The following NOTCH1 variants were observed in gnomAD, a reference collection of about 807,000 sequenced individuals.
NOTCH1 encodes neurogenic locus notch homolog protein 1.
Under a neutral mutation model 254.8 loss-of-function variants are expected in NOTCH1, and 37 were observed. The ratio of observed to expected loss-of-function variants is 0.15; its 90% CI spans 0.11 to 0.19. The LOEUF (loss-of-function observed/expected upper bound fraction) is 0.19, where lower values mean the gene tolerates loss of function less well. Among genes scored for constraint, NOTCH1 ranks in the 10% least tolerant of loss-of-function variants. The probability of loss-of-function intolerance (pLI) is 1.00; values close to 1 mark genes in which losing one functional copy is unlikely to be tolerated. For synonymous variants in NOTCH1, 1,731 were observed against 1,618.1 expected (o/e 1.07, Z -1.68); for missense variants, 2,972 against 3,708.6 (o/e 0.80, Z 5.16).
chr9:136,512,908 C>CCCCCACCCCTGG (rs1226512650), intron 15 of NOTCH1, 113 bp downstream of exon 15: 1 of 417,126 alleles, frequency 2.4e-6, no homozygotes, highest in East Asian at 6.5e-5. Flanking sequence ...TCCCAGGCCG[C>CCCCCACCCCTGG]CCCCACCCCT....
intron 2 of NOTCH1, chr9:136,543,376 T>C: frequency 4.9e-6 from 1 of 202,934 alleles, no homozygotes; most frequent in Non-Finnish European, 9.7e-6. Context: ...ACCCAGGAGG[T>C]GGCATCACCC....
intron 2 of NOTCH1, among the ~76,000 whole-genome samples, chr9:136,535,364 G>A (rs558814548): frequency 3.9e-5 from 6 of 152,096 alleles, no homozygotes; most frequent in African/African-American, 1.4e-4. Context: ...GTAGACGGCA[G>A]GACGCCCCCA....
chr9:136,519,298 T>C, intron 5 of NOTCH1, 145 bp downstream of exon 5: 1 of 1,193,510 alleles, frequency 8.4e-7, no homozygotes, highest in Non-Finnish European at 1.2e-6. Flanking sequence ...GGGGCCCCCA[T>C]CATGTTGTCC....
rs1217360911 is a variant in NOTCH1, at chr9:136,504,719, C to T, written c.4972G>A (p.Glu1658Lys). 1.3e-6 allele frequency: 2 copies of T among 1,540,880 alleles called. No homozygotes were observed. The highest frequency in any genetic ancestry group is 2.0e-4 in the Middle Eastern group (1 of 5,028). The change falls in exon 26 of 34, where the codon GAG becomes AAG. Residue 1658 changes from glutamate (E) to lysine (K), a missense_variant. Around this residue, in one of 8 missense-constraint regions of NOTCH1, gnomAD observed 1,343 missense variants for 1,557.0 expected, o/e 0.86. Coordinates refer to ENST00000651671, the MANE Select transcript of NOTCH1 (RefSeq NM_017617.5). ...VKASLLPGGS[E>K]GGRRRRELDP... Reference sequence around the variant, plus strand: ...AGCTCCCTCCGCCGCCGCCCACCCTCGCTGCCACCAGGGAGCAGCGAGGCC... The same window carrying T: ...AGCTCCCTCCGCCGCCGCCCACCCTTGCTGCCACCAGGGAGCAGCGAGGCC...
rs2133329906 is a variant in NOTCH1 at position 136,502,038 on chromosome 9, T to C, written c.5435A>G (p.Glu1812Gly). Residue 1812 changes from glutamate to glycine, a missense_variant, in exon 29 of 34, where the codon GAG (glutamate) becomes GGG (glycine). Glu to Gly is a moderately conservative substitution (Grantham distance 98, BLOSUM62 -2). This residue lies in a region of NOTCH1 where 421 missense variants were observed against 604.4 expected (regional missense o/e 0.70). Transcript: ENST00000651671. ...DGALMDDNQN[E>G]WGDEDLETKK... ...GGTCTCCAGGTCCTCGTCCCCCCAC[T>C]CATTCTGGTTGTCGTCCATGAGGGC... The C allele has an allele frequency of 1.2e-6, 2 of 1,613,272 alleles. No individual in the cohort carries two copies. The highest frequency in any genetic ancestry group is 1.7e-6 in the Non-Finnish European group (2 of 1,179,970).
At position 136,501,816 on chromosome 9, in the gene NOTCH1, G is replaced by C. The variant is rs1370862526; in HGVS notation, c.5570C>G (p.Ala1857Gly). The change falls in exon 30 of 34, where the codon GCC (alanine) becomes GGC (glycine). Residue 1857 changes from alanine to glycine, a missense_variant. Physicochemically the swap from Ala to Gly is moderately conservative, Grantham distance 60. Coordinates refer to ENST00000651671, the MANE Select transcript of NOTCH1 (RefSeq NM_017617.5). ...ACCCTGGGGCGGTGTGGGGGCCATGGCAGACATGCGCAGGTCAGCGGCATC... is the reference window on the plus strand; with the variant it reads ...ACCCTGGGGCGGTGTGGGGGCCATGCCAGACATGCGCAGGTCAGCGGCATC... ...HLDAADLRMSAMAPTPPQGEV... is the reference protein window; with the variant it reads ...HLDAADLRMSGMAPTPPQGEV... 6.2e-6 allele frequency: 10 copies of C among 1,612,710 alleles called. No individual in the cohort carries two copies. The highest frequency in any genetic ancestry group is 8.5e-6 in the Non-Finnish European group (10 of 1,179,962).
At chr9:136,542,771 G>A (rs1843750663) in intron 2 of NOTCH1, 1 of 152,112 alleles carries the variant, frequency 6.6e-6, no homozygotes, top group Admixed American at 6.5e-5. Flanking sequence ...TTGGAATGAG[G>A]GCGCGCAGAC....
Position 136,506,264 on chromosome 9 carries a change from A to G in NOTCH1, c.4014+263T>C, listed in dbSNP as rs1273477853. Among the ~76,000 whole-genome samples the G allele has an allele frequency of 6.6e-6, 1 of 152,114 alleles. No homozygotes were observed. The highest frequency in any genetic ancestry group is 2.4e-5 in the African/African-American group (1 of 41,422). ...CAATGTATCACTGAAATCCAGAGTG[A>G]AATTGATGCAAGCTGCTAACCAGGG... On this transcript the variant is annotated intron_variant, in intron 24 of 33. Coordinates refer to ENST00000651671, the MANE Select transcript of NOTCH1 (RefSeq NM_017617.5). The surrounding 1 kb of genome is among the most constrained non-coding windows in gnomAD (Gnocchi z 4.5).
At position 136,507,024 on chromosome 9, in the gene NOTCH1, GC is replaced by G. The variant is rs763695895; in HGVS notation, c.3644-52del. 5.7e-6 allele frequency: 9 copies of G among 1,581,516 alleles called. No individual in the cohort carries two copies. The South Asian group carries it at 9.2e-5, about 16-fold the overall frequency. On this transcript the variant is annotated intron_variant, in intron 22 of 33. Transcript: ENST00000651671. ...CCCAAGCCCGCCACACCCCGGCCCT[GC>G]CGTGCCGCGTGTCCGTCCCGGAAGA... is the stretch of plus-strand genomic sequence containing the variant.
chr9:136,502,138 C>A (rs766815215), intron 28 of NOTCH1, 50 bp from the exon 29 acceptor site: 2 of 1,605,476 alleles, frequency 1.2e-6, no homozygotes, highest in Non-Finnish European at 1.7e-6. Context: ...CCCTAGGAAG[C>A]CCCCAGAGAC....
At position 136,506,416 on chromosome 9, in the gene NOTCH1, A is replaced by T; in HGVS notation, c.4014+111T>A. ...AAAAAAAGACATCAGGGTGAGGAGG[A>T]GGATGAAGGCCGGGAGGATCACTGC... On this transcript the variant is annotated intron_variant, in intron 24 of 33. Transcript: ENST00000651671. The surrounding 1 kb of genome is among the most constrained non-coding windows in gnomAD (Gnocchi z 4.5). The T allele has an allele frequency of 1.3e-6, 1 of 774,442 alleles. No homozygotes were observed. Among genetic ancestry groups the T allele is most frequent in the Non-Finnish European group, 2.1e-6 (1 of 475,394 alleles). 48.0% of individuals were successfully genotyped at this position (774,442 alleles called of 1,614,324 possible). A position where few individuals can be genotyped will look rare whatever the true frequency, so the allele number is the denominator to read the frequency against.
At chr9:136,512,858 C>T (rs1279275996) in intron 15 of NOTCH1, among the ~76,000 whole-genome samples, 163 bp downstream of exon 15, 6 of 152,240 alleles carry the variant, frequency 3.9e-5, no homozygotes, top group South Asian at 2.1e-4. Context: ...TGGAAGGCCC[C>T]GCCCCAAGAA....
chr9:136,499,303 C>G (rs2133323432), intron 31 of NOTCH1, 44 bp from the exon 32 acceptor site: 1 of 1,606,518 alleles, frequency 6.2e-7, no homozygotes, highest in Non-Finnish European at 8.5e-7. Flanking sequence ...GGCAGACGTA[C>G]ACCGATGCCT....
In NOTCH1 at chr9:136,513,447, G is replaced by A. The variant is rs781319332; in HGVS notation, c.2298C>T (p.Gly766=). The A allele has an allele frequency of 6.2e-7, 1 of 1,613,120 alleles. No individual in the cohort carries two copies. Among genetic ancestry groups the A allele is most frequent in the Admixed American group, 1.7e-5 (1 of 60,024 alleles). Residue 766 remains glycine (G), a synonymous_variant, in exon 14 of 34, where the codon GGC becomes GGT. Transcript: ENST00000651671. This position sits in a 1 kb window ranked among gnomAD's most constrained non-coding sequence, Gnocchi z 4.7. The part of the protein sequence containing the change: ...ECESNPCVNG[G]TCKDMTSGYV... ...AGCCACTGGTCATGTCTTTGCAGGT[G>A]CCGCCGTTGACACAAGGGTTGGATT...
chr9:136,507,963 A>G lies in NOTCH1; in HGVS notation c.3502T>C (p.Ser1168Pro). 2 of 1,612,470 alleles carry G rather than the reference A, an allele frequency of 1.2e-6. No individual in the cohort carries two copies. Among genetic ancestry groups the G allele is most frequent in the Non-Finnish European group, 1.7e-6 (2 of 1,179,916 alleles). Residue 1168 changes from serine (S) to proline (P), a missense_variant, in exon 21 of 34, where the codon TCC (serine) becomes CCC (proline). By Grantham distance (74) the Ser-to-Pro change is moderately conservative (BLOSUM62 -1). Around this residue, in one of 8 missense-constraint regions of NOTCH1, gnomAD observed 1,343 missense variants for 1,557.0 expected, o/e 0.86. Transcript: ENST00000651671. ...ATCTDYLGGY[S>P]CKCVAGYHGV... ...CTAGGAGGGACCCCCACCTTGCAGG[A>G]GTAGCCGCCCAGGTAGTCCGTGCAG... is the stretch of plus-strand genomic sequence containing the variant.
chr9:136,531,495 C>A lies in NOTCH1; in HGVS notation c.141-7516G>T, dbSNP rs1843558942. Among the ~76,000 whole-genome samples, 3 of 152,366 alleles carry A rather than the reference C, an allele frequency of 2.0e-5. No individual in the cohort carries two copies. In the South Asian group the frequency reaches 6.2e-4, roughly 32 times the overall value. On this transcript the variant is annotated intron_variant, in intron 2 of 33. Coordinates refer to ENST00000651671, the MANE Select transcript of NOTCH1 (RefSeq NM_017617.5). ...TGGATGTTTTGCCTGACCACCTGAT[C>A]TCCCAGGACCGGGAAGTCTGGAGCA...
intron 2 of NOTCH1, chr9:136,543,497 A>T (rs1197312693): frequency 1.0e-5 from 3 of 296,368 alleles, no homozygotes; most frequent in Non-Finnish European, 1.3e-5. Flanking sequence ...TCACGCACCC[A>T]GAGGAGGCAT....
At position 136,505,320 on chromosome 9, in the gene NOTCH1, C is replaced by G; in HGVS notation, c.4576G>C (p.Gly1526Arg). ...FDGFDCQRAEGQCNPLYDQYC... is the reference protein window; with the variant it reads ...FDGFDCQRAERQCNPLYDQYC... Reference sequence around the variant, plus strand: ...GCCCCGCAGCCTTACTTGCACTGGCCTTCCGCACGCTGGCAGTCAAAGCCG... The same window carrying G: ...GCCCCGCAGCCTTACTTGCACTGGCGTTCCGCACGCTGGCAGTCAAAGCCG... The change falls in exon 25 of 34, where the codon GGC becomes CGC. Residue 1526 changes from glycine (G) to arginine (R), a missense_variant. By Grantham distance (125) the Gly-to-Arg change is moderately radical. Transcript: ENST00000651671. 1 of 1,577,158 alleles carries G rather than the reference C, an allele frequency of 6.3e-7. No individual in the cohort carries two copies. The highest frequency in any genetic ancestry group is 8.6e-7 in the Non-Finnish European group (1 of 1,161,838).
chr9:136,507,074 A>C, intron 22 of NOTCH1, 101 bp from the exon 23 acceptor site: 1 of 1,529,168 alleles, frequency 6.5e-7, no homozygotes, highest in Non-Finnish European at 8.9e-7. Context: ...CTGGGGCTGC[A>C]CGGACACTCG....
Sources: allele counts gnomAD v4.1 joint callset (sites outside exome capture counted in the v4.1 genomes callset), GRCh38; gene constraint gnomAD v4.1.1; regional missense constraint gnomAD v4.1.1; non-coding constraint Gnocchi (gnomAD v3.1); transcripts MANE v1.5; gene names NCBI Gene and HGNC (gene_info 2026-07-23, HGNC 2026-07-21).